TMEM266: variants seen among roughly 807,000 people sequenced by gnomAD.
The protein encoded by TMEM266 is Hv1 related protein 1.
TMEM266 carries 33 observed loss-of-function variants against 50.5 expected under a neutral mutation model. The observed-to-expected ratio is 0.65, with a 90% CI of 0.50 to 0.87. TMEM266 has a LOEUF of 0.87. TMEM266 is among the 40% of genes least tolerant of loss of function. The pLI is 0.00. For synonymous variants in TMEM266, 310 were observed against 292.3 expected (o/e 1.06, Z -0.62); for missense variants, 655 against 695.1 (o/e 0.94, Z 0.65).
chr15:76,170,314 G>A (rs1420180158), intron 6 of TMEM266, among the ~76,000 whole-genome samples: 1 of 152,216 alleles, frequency 6.6e-6, no homozygotes, highest in Non-Finnish European at 1.5e-5. Context: ...GCAGTGTTGT[G>A]CACACAGACA....
At chr15:76,199,034 T>G (rs2038699836) in intron 9 of TMEM266, among the ~76,000 whole-genome samples, 1 of 133,086 alleles carries the variant, frequency 7.5e-6, no homozygotes, top group Non-Finnish European at 1.7e-5. Flanking sequence ...GTAATCTAAT[T>G]CATTGAACCC....
Position 76,204,369 on chromosome 15 carries a change from T to A in TMEM266, c.*54T>A. ...GGAGACAGCCATCTCAAAGCTCTCC[T>A]GGGACCCTGGAGGCTGCCAAGGGCC... On this transcript the variant is annotated 3_prime_UTR_variant, in exon 11 of 11. Transcript: ENST00000388942. 1 of 1,504,804 alleles carries A rather than the reference T, an allele frequency of 6.6e-7. No homozygotes were observed. The highest frequency in any genetic ancestry group is 9.0e-7 in the Non-Finnish European group (1 of 1,111,286). The allele number at this position is 1,504,804 out of a possible 1,614,324, so 93.2% of individuals were successfully genotyped here.
chr15:76,184,024 C>G (rs2038458900), intron 8 of TMEM266, among the ~76,000 whole-genome samples: 1 of 152,204 alleles, frequency 6.6e-6, no homozygotes, highest in Admixed American at 6.5e-5. Flanking sequence ...GCCAACGGCT[C>G]TGCGTAGGTC....
chr15:76,201,050 G>A (rs1017604360), intron 9 of TMEM266, among the ~76,000 whole-genome samples: 1 of 152,086 alleles, frequency 6.6e-6, no homozygotes, highest in African/African-American at 2.4e-5. Flanking sequence ...TCCTGGGGGT[G>A]CAGACTCGGA....
chr15:76,164,271 T>A (rs935169879), intron 5 of TMEM266, among the ~76,000 whole-genome samples: 3 of 152,178 alleles, frequency 2.0e-5, no homozygotes, highest in South Asian at 2.1e-4. Flanking sequence ...AATGGTCCAA[T>A]CACAGCTCAC....
At chr15:76,162,094 C>T (rs753530963) in intron 5 of TMEM266, among the ~76,000 whole-genome samples, 3 of 152,192 alleles carry the variant, frequency 2.0e-5, no homozygotes, top group African/African-American at 4.8e-5. Flanking sequence ...CCCCCATAGG[C>T]ACCCCCAAAC....
intron 8 of TMEM266, among the ~76,000 whole-genome samples, chr15:76,182,593 G>A (rs1290319206): frequency 3.3e-5 from 5 of 152,060 alleles, no homozygotes; most frequent in African/African-American, 7.2e-5. Context: ...AAAGTGAGCC[G>A]AGATCATGCC....
At chr15:76,105,581 C>CT (rs1397143800) in intron 1 of TMEM266, among the ~76,000 whole-genome samples, 1 of 152,252 alleles carries the variant, frequency 6.6e-6, no homozygotes, top group Non-Finnish European at 1.5e-5. Context: ...CAAAAGCAGT[C>CT]TGACAGTATA....
Position 76,204,049 on chromosome 15 carries a change from C to T in TMEM266, c.1330C>T (p.Leu444=), listed in dbSNP as rs2038796268. Residue 444 remains leucine, a synonymous_variant, in exon 11 of 11, where the codon CTG becomes TTG. Transcript: ENST00000388942. ...GGAGGAGGCCACAGTCCAGGACCTG[C>T]TGTCCTCCCTGTCGGAGGACCCCTG... 1 of 1,612,340 alleles carries T rather than the reference C, an allele frequency of 6.2e-7. No individual in the cohort carries two copies.
intron 1 of TMEM266, among the ~76,000 whole-genome samples, chr15:76,106,605 A>G (rs575634002): frequency 2.6e-4 from 39 of 151,988 alleles, no homozygotes; most frequent in African/African-American, 9.4e-4. Context: ...ACACTTGGCT[A>G]ATTATTTTAT....
At chr15:76,124,953 A>C (rs767841048) in intron 1 of TMEM266, among the ~76,000 whole-genome samples, 52 of 152,336 alleles carry the variant, frequency 3.4e-4, no homozygotes, top group Non-Finnish European at 6.3e-4. Flanking sequence ...TATATTACAA[A>C]GCTATTGTAA....
chr15:76,163,057 G>C (rs1368481954), intron 5 of TMEM266, among the ~76,000 whole-genome samples: 1 of 152,254 alleles, frequency 6.6e-6, no homozygotes. Flanking sequence ...CCTTAGGACA[G>C]TCCTGGAAGG....
chr15:76,179,539 C>T (rs1409495100), intron 8 of TMEM266, among the ~76,000 whole-genome samples: 2 of 152,168 alleles, frequency 1.3e-5, no homozygotes, highest in Non-Finnish European at 2.9e-5. Context: ...ACTCATGGCA[C>T]TTAGCACTCA....
chr15:76,128,861 T>A (rs1215879856), intron 1 of TMEM266, among the ~76,000 whole-genome samples: 6 of 152,172 alleles, frequency 3.9e-5, no homozygotes, highest in Non-Finnish European at 8.8e-5. Context: ...TGCTGCCACT[T>A]TTTCAGGGAA....
At chr15:76,099,768 A>G (rs1406678748) in intron 1 of TMEM266, among the ~76,000 whole-genome samples, 1 of 152,166 alleles carries the variant, frequency 6.6e-6, no homozygotes, top group African/African-American at 2.4e-5. Context: ...ACAGTGCTAT[A>G]AAGAACTATT....
At chr15:76,089,093 C>CAAAA (rs1213055800) in intron 1 of TMEM266, among the ~76,000 whole-genome samples, 58 of 44,710 alleles carry the variant, frequency 1.3e-3, no homozygotes, top group African/African-American at 1.5e-3. Context: ...GACTCTGTCT[C>CAAAA]AAAAAAAAAA....
chr15:76,201,826 T>A (rs1367619695), intron 9 of TMEM266, among the ~76,000 whole-genome samples: 1 of 152,194 alleles, frequency 6.6e-6, no homozygotes, highest in Non-Finnish European at 1.5e-5. Flanking sequence ...AAGGGCAGTG[T>A]TTCCAGTGCC....
chr15:76,079,609 G>A (rs1267166168), intron 1 of TMEM266, among the ~76,000 whole-genome samples: 2 of 146,870 alleles, frequency 1.4e-5, no homozygotes, highest in African/African-American at 5.1e-5. Context: ...CCAACATGGT[G>A]AAACCCCATC....
chr15:76,197,421 G>C (rs2038671818), intron 9 of TMEM266, among the ~76,000 whole-genome samples: 1 of 152,220 alleles, frequency 6.6e-6, no homozygotes, highest in East Asian at 1.9e-4. Flanking sequence ...TGGTCACACA[G>C]GGCCCTAACT....
Sources: gnomAD v4.1 joint callset for allele counts (sites outside exome capture counted in the v4.1 genomes callset) on GRCh38, gnomAD v4.1.1 for gene constraint, MANE v1.5 for transcripts, NCBI Gene and HGNC (gene_info 2026-07-23, HGNC 2026-07-21) for gene names.